RNF130: variants seen among roughly 807,000 people sequenced by gnomAD.
RNF130 encodes the protein E3 ubiquitin-protein ligase RNF130.
RNF130 carries 21 observed loss-of-function variants against 44.6 expected under a neutral mutation model. The observed-to-expected ratio is 0.47, with a 90% confidence interval of 0.33 to 0.68. The LOEUF (loss-of-function observed/expected upper bound fraction) is 0.68, where lower values mean the gene tolerates loss of function less well. RNF130 is among the 30% of genes least tolerant of loss of function. RNF130 has a pLI of 0.02. For synonymous variants in RNF130, 214 were observed against 210.4 expected (o/e 1.02, Z -0.15); for missense variants, 479 against 560.6 (o/e 0.85, Z 1.47).
At chr5:179,947,623 G>A (rs1300103417) in intron 7 of RNF130, among the ~76,000 whole-genome samples, 2 of 152,206 alleles carry the variant, frequency 1.3e-5, no homozygotes, top group East Asian at 1.9e-4. Context: ...TCTGTAAAAC[G>A]GAGTTAATAA....
At chr5:180,010,518 C>T (rs1050987317) in intron 3 of RNF130, among the ~76,000 whole-genome samples, 1 of 152,030 alleles carries the variant, frequency 6.6e-6, no homozygotes, top group Non-Finnish European at 1.5e-5. Context: ...TGGCACCTTG[C>T]CCAGCTACAT....
rs1242895303 is a variant in RNF130 at position 179,988,871 on chromosome 5, T to C, written c.694-8671A>G. 3.9e-5 allele frequency among the ~76,000 whole-genome samples: 6 copies of C among 152,238 alleles called. No homozygotes were observed. The East Asian group carries it at 1.2e-3, about 29-fold the overall frequency. On this transcript the variant is annotated intron_variant, in intron 3 of 8. Transcript: ENST00000521389. Reference sequence around the variant, plus strand: ...TGTATTCTGCAGCAATTTGATACAGTGTTCTGTAAATGTCTGTTACGTCCA... The same window carrying C: ...TGTATTCTGCAGCAATTTGATACAGCGTTCTGTAAATGTCTGTTACGTCCA...
intron 1 of RNF130, among the ~76,000 whole-genome samples, chr5:180,042,608 A>T (rs1284834681): frequency 3.9e-5 from 6 of 152,238 alleles, no homozygotes; most frequent in Non-Finnish European, 4.4e-5. Context: ...CTGTTACGAT[A>T]ATCTCCTCTT....
intron 1 of RNF130, among the ~76,000 whole-genome samples, chr5:180,047,428 T>C (rs982520415): frequency 2.0e-5 from 3 of 152,164 alleles, no homozygotes; most frequent in Non-Finnish European, 2.9e-5. Flanking sequence ...CTTAGCTTCA[T>C]TGGGTGTTTA....
chr5:179,959,273 C>T (rs1423077681), intron 8 of RNF130, among the ~76,000 whole-genome samples: 2 of 152,098 alleles, frequency 1.3e-5, no homozygotes, highest in Admixed American at 1.3e-4. Context: ...ACCAAGCATC[C>T]CCAAGACATC....
intron 1 of RNF130, among the ~76,000 whole-genome samples, chr5:180,045,453 G>A (rs1764537398): frequency 6.6e-6 from 1 of 152,184 alleles, no homozygotes; most frequent in Admixed American, 6.5e-5. Flanking sequence ...AGACCGCAGG[G>A]ACCCAAACAG....
chr5:179,920,342 T>C (rs1466377903), exon 8 of RNF130: 2 of 702,300 alleles, frequency 2.8e-6, no homozygotes, highest in Admixed American at 4.0e-5. Flanking sequence ...ATCATACATG[T>C]CCAAAGAAGG....
At chr5:179,937,017 C>G (rs564582784) in intron 7 of RNF130, among the ~76,000 whole-genome samples, 2 of 152,100 alleles carry the variant, frequency 1.3e-5, no homozygotes, top group African/African-American at 4.8e-5. Context: ...GAAGTTTTTG[C>G]GACCACCAAT....
At chr5:179,986,676 T>C (rs923930915) in intron 3 of RNF130, among the ~76,000 whole-genome samples, 3 of 152,244 alleles carry the variant, frequency 2.0e-5, no homozygotes, top group Admixed American at 2.0e-4. Flanking sequence ...TAACATGGTT[T>C]ACATTTCTTC....
At chr5:180,031,543 T>C (rs767574503) in intron 2 of RNF130, among the ~76,000 whole-genome samples, 1 of 152,166 alleles carries the variant, frequency 6.6e-6, no homozygotes, top group Non-Finnish European at 1.5e-5. Context: ...TTTTTGACTG[T>C]GTGGGGGTCA....
At chr5:179,923,801 A>AT (rs1234225798) in intron 7 of RNF130, among the ~76,000 whole-genome samples, 1 of 152,172 alleles carries the variant, frequency 6.6e-6, no homozygotes, top group African/African-American at 2.4e-5. Flanking sequence ...ACTCTGTTAA[A>AT]TTTAGTTTCC....
intron 2 of RNF130, among the ~76,000 whole-genome samples, chr5:180,015,643 GGGAAAGGAGTA>G (rs141774755): frequency 1.0e-4 from 10 of 98,172 alleles, no homozygotes; most frequent in Admixed American, 2.1e-4. Flanking sequence ...GAAAGGAGTA[GGGAAAGGAGTA>G]GGAAAGGAGT....
intron 5 of RNF130, among the ~76,000 whole-genome samples, chr5:179,976,218 C>G (rs1248423936): frequency 6.6e-6 from 1 of 152,180 alleles, no homozygotes. Context: ...AAAGTCAACA[C>G]TGAAGGGATG....
chr5:179,916,897 G>A (rs1456862381), exon 8 of RNF130: 1 of 152,402 alleles, frequency 6.6e-6, no homozygotes, highest in Non-Finnish European at 1.5e-5. Flanking sequence ...GATGTTAAAA[G>A]TCACCAAAGC....
intron 3 of RNF130, among the ~76,000 whole-genome samples, chr5:180,001,684 C>T (rs992166498): frequency 6.6e-6 from 1 of 152,130 alleles, no homozygotes; most frequent in Non-Finnish European, 1.5e-5. Context: ...GATGGCAGGG[C>T]TCAGCAGTAT....
chr5:180,021,722 C>A (rs1424732372), intron 2 of RNF130, among the ~76,000 whole-genome samples: 1 of 152,116 alleles, frequency 6.6e-6, no homozygotes, highest in Non-Finnish European at 1.5e-5. Context: ...AAGTTCCTGG[C>A]ATGATGCCTC....
chr5:179,963,075 C>T (rs572405036), intron 8 of RNF130, among the ~76,000 whole-genome samples: 1 of 152,356 alleles, frequency 6.6e-6, no homozygotes, highest in South Asian at 2.1e-4. Context: ...GGGGCTTCCC[C>T]AGAAGCTAGA....
At chr5:179,992,587 G>A (rs537499137) in intron 3 of RNF130, among the ~76,000 whole-genome samples, 2 of 152,048 alleles carry the variant, frequency 1.3e-5, no homozygotes, top group African/African-American at 4.8e-5. Flanking sequence ...GAATTACTGT[G>A]TTTTTTTGGG....
At chr5:180,048,705 C>T (rs2113155580) in intron 1 of RNF130, among the ~76,000 whole-genome samples, 1 of 152,272 alleles carries the variant, frequency 6.6e-6, no homozygotes, top group East Asian at 1.9e-4. Context: ...GAATTCAGCA[C>T]CTCAGCAGTG....
Sources: allele counts gnomAD v4.1 joint callset (sites outside exome capture counted in the v4.1 genomes callset), GRCh38; gene constraint gnomAD v4.1.1; transcripts MANE v1.5; gene names NCBI Gene and HGNC (gene_info 2026-07-23, HGNC 2026-07-21).